The following CHSY1 variants were observed in gnomAD, a reference collection of about 807,000 sequenced individuals.
CHSY1 encodes the protein chondroitin sulfate synthase 1, also known as N-acetylgalactosaminyl-proteoglycan 3-beta-glucuronosyltransferase 1.
A neutral mutation model predicts 59.8 loss-of-function variants in CHSY1; 13 were observed. The ratio of observed to expected loss-of-function variants is 0.22; its 90% confidence interval spans 0.14 to 0.35. The LOEUF (loss-of-function observed/expected upper bound fraction) is 0.35, where lower values mean the gene tolerates loss of function less well. Ranked by LOEUF, CHSY1 falls within the 10% of genes least tolerant of loss-of-function variation. CHSY1 has a pLI of 1.00. For synonymous variants in CHSY1, 459 were observed against 401.2 expected (o/e 1.14, Z -1.72); for missense variants, 947 against 1,030.6 (o/e 0.92, Z 1.11).
chr15:101,193,376 CCAG>C (rs781465635), intron 2 of CHSY1, among the ~76,000 whole-genome samples: 16 of 152,322 alleles, frequency 1.1e-4, no homozygotes, highest in Non-Finnish European at 1.6e-4. Context: ...AGTGAGGGGG[CCAG>C]GGAAGCTTTC....
intron 1 of CHSY1, among the ~76,000 whole-genome samples, chr15:101,246,861 C>T (rs987790944): frequency 7.3e-6 from 1 of 137,066 alleles, no homozygotes; most frequent in Non-Finnish European, 1.5e-5. Flanking sequence ...TATCACAGAA[C>T]ATAACTAAAA....
chr15:101,205,952 A>C (rs1388961922), intron 2 of CHSY1, among the ~76,000 whole-genome samples: 1 of 140,604 alleles, frequency 7.1e-6, no homozygotes, highest in Non-Finnish European at 1.5e-5. Context: ...ACTCCGTCTC[A>C]AAAAAAAAAA....
rs760301797 is a variant in CHSY1 at position 101,251,219 on chromosome 15, C to G, written c.238G>C (p.Gly80Arg). Residue 80 changes from glycine to arginine, a missense_variant, in exon 1 of 3, where the codon GGC (glycine) becomes CGC (arginine). Around this residue, in one of 4 missense-constraint regions of CHSY1, gnomAD observed 232 missense variants for 188.5 expected, o/e 1.23. Transcript: ENST00000254190. The part of the protein sequence containing the change: ...LWPPGSDPDG[G>R]PRDRNFLFVG... ...AAGAGAAAGTTCCTGTCGCGCGGGCCGCCATCTGGGTCCGAGCCGGGCGGC... is the reference window on the plus strand; with the variant it reads ...AAGAGAAAGTTCCTGTCGCGCGGGCGGCCATCTGGGTCCGAGCCGGGCGGC... 8.2e-6 allele frequency: 13 copies of G among 1,592,014 alleles called. No individual in the cohort carries two copies. In the East Asian group the frequency reaches 2.9e-4, roughly 36 times the overall value.
Position 101,251,323 on chromosome 15 carries a change from G to A in CHSY1, c.134C>T (p.Pro45Leu). 3 of 1,127,874 alleles carry A rather than the reference G, an allele frequency of 2.7e-6. No homozygotes were observed. The highest frequency in any genetic ancestry group is 3.3e-6 in the Non-Finnish European group (3 of 913,870). 69.9% of individuals were successfully genotyped at this position (1,127,874 alleles called of 1,614,324 possible). ...KRAGPRRRAS[P>L]EGCRSGQAAA... ...CGCCTGCCCGGACCGGCAGCCCTCG[G>A]GGCTGGCGCGGCGCCGTGGGCCCGC... is the stretch of plus-strand genomic sequence containing the variant. Residue 45 changes from proline (P) to leucine (L), a missense_variant, in exon 1 of 3, where the codon CCC (proline) becomes CTC (leucine). Physicochemically the swap from Pro to Leu is moderately conservative, Grantham distance 98. This residue lies in a region of CHSY1 where 232 missense variants were observed against 188.5 expected (regional missense o/e 1.23). Coordinates refer to ENST00000254190, the MANE Select transcript of CHSY1 (RefSeq NM_014918.5).
At position 101,177,297 on chromosome 15, in the gene CHSY1, CTTG is replaced by C; in HGVS notation, c.*88_*90del. On this transcript the variant is annotated 3_prime_UTR_variant, in exon 3 of 3. Transcript: ENST00000254190. ...AAGAAAACCACTTGTAAAATATATC[CTTG>C]TATACGGACTTCAAAAACTGATCAT... 1 of 1,232,774 alleles carries C rather than the reference CTTG, an allele frequency of 8.1e-7. No individual in the cohort carries two copies. The allele number at this position is 1,232,774 out of a possible 1,614,324, so 76.4% of individuals were successfully genotyped here.
intron 2 of CHSY1, among the ~76,000 whole-genome samples, chr15:101,200,154 T>C (rs1211459767): frequency 6.6e-6 from 1 of 152,226 alleles, no homozygotes; most frequent in Non-Finnish European, 1.5e-5. Flanking sequence ...ACATTCTAGG[T>C]TGAATAAGAC....
intron 2 of CHSY1, among the ~76,000 whole-genome samples, chr15:101,195,043 C>T (rs530480840): frequency 4.6e-5 from 7 of 152,238 alleles, no homozygotes; most frequent in South Asian, 2.1e-4. Context: ...ATAACCCACG[C>T]GACTCTTAAA....
At chr15:101,239,699 G>C (rs2038982954) in intron 1 of CHSY1, among the ~76,000 whole-genome samples, 1 of 135,518 alleles carries the variant, frequency 7.4e-6, no homozygotes, top group African/African-American at 3.2e-5. Context: ...CAAAGGTAAT[G>C]TGGAAAATGC....
At chr15:101,245,448 A>C (rs937102452) in intron 1 of CHSY1, among the ~76,000 whole-genome samples, 4 of 152,098 alleles carry the variant, frequency 2.6e-5, no homozygotes, top group Admixed American at 6.5e-5. Context: ...CTGCTCCCCC[A>C]CAGTGATTAG....
intron 1 of CHSY1, among the ~76,000 whole-genome samples, chr15:101,239,155 A>G (rs1371909639): frequency 1.3e-5 from 2 of 152,254 alleles, no homozygotes; most frequent in African/African-American, 4.8e-5. Flanking sequence ...GAAAATGTAA[A>G]TAATTTCAGT....
chr15:101,232,201 A>T (rs2038899506), intron 2 of CHSY1, among the ~76,000 whole-genome samples: 1 of 152,228 alleles, frequency 6.6e-6, no homozygotes, highest in South Asian at 2.1e-4. Context: ...ATAGGGCAAA[A>T]TAAGTACCTT....
chr15:101,200,743 T>G (rs569673227), intron 2 of CHSY1, among the ~76,000 whole-genome samples: 1 of 152,316 alleles, frequency 6.6e-6, no homozygotes, highest in Admixed American at 6.5e-5. Context: ...TTAGGTCTCC[T>G]CTGCCCCAGC....
intron 2 of CHSY1, among the ~76,000 whole-genome samples, chr15:101,230,963 T>C (rs2038887010): frequency 6.6e-6 from 1 of 152,192 alleles, no homozygotes; most frequent in Admixed American, 6.5e-5. Flanking sequence ...AACAAGTACT[T>C]ACTGGCTAAC....
chr15:101,186,147 CAAAAAAAAAAA>C (rs35398576), intron 2 of CHSY1, among the ~76,000 whole-genome samples: 2 of 79,592 alleles, frequency 2.5e-5, no homozygotes, highest in African/African-American at 4.7e-5. Flanking sequence ...TTGTCTCTAC[CAAAAAAAAAAA>C]AAAAAAAAAA....
intron 2 of CHSY1, among the ~76,000 whole-genome samples, chr15:101,216,199 C>T (rs560674605): frequency 6.6e-6 from 1 of 152,278 alleles, no homozygotes; most frequent in East Asian, 1.9e-4. Context: ...TGAGACACCG[C>T]TATATAACTA....
intron 2 of CHSY1, among the ~76,000 whole-genome samples, chr15:101,215,326 G>T (rs923091333): frequency 2.6e-5 from 4 of 152,206 alleles, no homozygotes; most frequent in African/African-American, 7.2e-5. Context: ...TACATCATCA[G>T]ATACAGCAAA....
In CHSY1 at chr15:101,245,447, C is replaced by G. The variant is rs75126404; in HGVS notation, c.320+5690G>C. Among the ~76,000 whole-genome samples the G allele has an allele frequency of 5.8e-3, 876 of 152,330 alleles. 8 individuals are homozygous for G. The highest frequency in any genetic ancestry group is 0.042 in the East Asian group (220 of 5,188). ...TGTAAGCCTCTTTCTTCTGCTCCCCCACAGTGATTAGTTCACGCACCCTGA... is the reference window on the plus strand; with the variant it reads ...TGTAAGCCTCTTTCTTCTGCTCCCCGACAGTGATTAGTTCACGCACCCTGA... On this transcript the variant is annotated intron_variant, in intron 1 of 2. Coordinates refer to ENST00000254190, the MANE Select transcript of CHSY1 (RefSeq NM_014918.5).
intron 2 of CHSY1, among the ~76,000 whole-genome samples, chr15:101,197,961 C>A (rs1453928613): frequency 6.6e-6 from 1 of 152,206 alleles, no homozygotes; most frequent in Non-Finnish European, 1.5e-5. Context: ...CTGCTGGGGA[C>A]TCACTTTGGG....
intron 2 of CHSY1, chr15:101,188,086 C>T (rs1377867336): frequency 2.0e-6 from 2 of 985,382 alleles, no homozygotes; most frequent in African/African-American, 1.7e-5. Flanking sequence ...TAACTGTTTA[C>T]ATGACTGTCC....
Sources: allele counts gnomAD v4.1 joint callset (sites outside exome capture counted in the v4.1 genomes callset), GRCh38; gene constraint gnomAD v4.1.1; regional missense constraint gnomAD v4.1.1; transcripts MANE v1.5; gene names NCBI Gene and HGNC (gene_info 2026-07-23, HGNC 2026-07-21).